The following ZBTB40 variants were observed in gnomAD, a reference collection of about 807,000 sequenced individuals.
ZBTB40 encodes zinc finger and BTB domain-containing protein 40.
Under a neutral mutation model 117.5 loss-of-function variants are expected in ZBTB40, and 60 were observed. The ratio of observed to expected loss-of-function variants is 0.51; its 90% confidence interval spans 0.41 to 0.63. ZBTB40 has a LOEUF of 0.63. ZBTB40 is among the 30% of genes least tolerant of loss of function. ZBTB40 has a pLI of 0.00. For synonymous variants in ZBTB40, 525 were observed against 577.1 expected (o/e 0.91, Z 1.29); for missense variants, 1,287 against 1,498.5 (o/e 0.86, Z 2.33).
At chr1:22,449,274 A>T (rs1569752022), upstream of ZBTB40, among the ~76,000 whole-genome samples, 2 of 152,276 alleles carry the variant, frequency 1.3e-5, no homozygotes, top group South Asian at 4.2e-4. Flanking sequence ...GTAGAAAAAA[A>T]GTTGAAAAGT....
At chr1:22,516,641 G>C (rs1050528265) in intron 12 of ZBTB40, among the ~76,000 whole-genome samples, 4 of 152,128 alleles carry the variant, frequency 2.6e-5, no homozygotes, top group African/African-American at 9.7e-5. Flanking sequence ...TGGGATCCGG[G>C]GTTCTGGTGC....
chr1:22,508,611 C>T lies in ZBTB40; in HGVS notation c.1579C>T (p.Leu527Phe). 4 of 1,614,228 alleles carry T rather than the reference C, an allele frequency of 2.5e-6. No homozygotes were observed. Among genetic ancestry groups the T allele is most frequent in the Middle Eastern group, 1.6e-4 (1 of 6,062 alleles). Residue 527 changes from leucine (L) to phenylalanine (F), a missense_variant, in exon 8 of 18, where the codon CTC becomes TTC. By Grantham distance (22) the Leu-to-Phe change is conservative. This residue lies in a region of ZBTB40 where 870 missense variants were observed against 934.4 expected (regional missense o/e 0.93). Transcript: ENST00000375647. ...ATCAGCAGTTCTAGAAAAGCAGACT[C>T]TCTCTGCCACAGCCATTTGGCAACT... is the stretch of plus-strand genomic sequence containing the variant. ...LISAVLEKQT[L>F]SATAIWQLLL...
chr1:22,501,820 G>C, intron 4 of ZBTB40, 136 bp downstream of exon 4: 1 of 1,003,150 alleles, frequency 1.0e-6, no homozygotes, highest in Non-Finnish European at 1.5e-6. Context: ...GTAAATTCCA[G>C]AAGCTGCATG....
chr1:22,470,028 G>A (rs1371800336), intron 1 of ZBTB40, among the ~76,000 whole-genome samples: 1 of 152,210 alleles, frequency 6.6e-6, no homozygotes. Flanking sequence ...TCAGCAGCAT[G>A]TGAGATGCAT....
At chr1:22,448,639 T>G (rs145824344), upstream of ZBTB40, among the ~76,000 whole-genome samples, 132 of 152,266 alleles carry the variant, frequency 8.7e-4, 1 homozygote, top group African/African-American at 3.0e-3. Flanking sequence ...CTAAGTCTGT[T>G]TCCTCCTGTA....
chr1:22,521,632 A>C lies in ZBTB40; in HGVS notation c.3185A>C (p.Lys1062Thr). Residue 1062 changes from lysine to threonine, a missense_variant, in exon 15 of 18, where the codon AAG becomes ACG. Coordinates refer to ENST00000375647, the MANE Select transcript of ZBTB40 (RefSeq NM_014870.4). ...ACCTTCCCCAACACCATTGAGCACAAGAAGCACATCAAAGCAGAACATGCA... is the reference window on the plus strand; with the variant it reads ...ACCTTCCCCAACACCATTGAGCACACGAAGCACATCAAAGCAGAACATGCA... ...DKTFPNTIEH[K>T]KHIKAEHADM... 6.2e-7 allele frequency: 1 copy of C among 1,614,238 alleles called. No individual in the cohort carries two copies. Among genetic ancestry groups the C allele is most frequent in the Non-Finnish European group, 8.5e-7 (1 of 1,180,036 alleles).
chr1:22,486,812 T>G (rs1638484896), intron 1 of ZBTB40, among the ~76,000 whole-genome samples: 1 of 152,174 alleles, frequency 6.6e-6, no homozygotes, highest in Non-Finnish European at 1.5e-5. Context: ...CTGGGCTCAC[T>G]GCAGCCTCTG....
intron 1 of ZBTB40, among the ~76,000 whole-genome samples, chr1:22,435,507 T>C (rs1640658761): frequency 6.6e-6 from 1 of 152,162 alleles, no homozygotes. Context: ...TTTGATTCTT[T>C]AGGGCTTTCT....
At chr1:22,498,968 A>C (rs1190929640) in intron 3 of ZBTB40, among the ~76,000 whole-genome samples, 3 of 152,214 alleles carry the variant, frequency 2.0e-5, no homozygotes, top group Admixed American at 1.3e-4. Context: ...ATTGCTCTAA[A>C]ATCTAGCAAC....
intron 1 of ZBTB40, among the ~76,000 whole-genome samples, chr1:22,489,607 T>C (rs1638566145): frequency 6.6e-6 from 1 of 152,146 alleles, no homozygotes. Flanking sequence ...ATCTGTAAAA[T>C]GGGGAGGAAA....
At chr1:22,452,866 A>G (rs1248631264) in intron 1 of ZBTB40, 1 of 152,350 alleles carries the variant, frequency 6.6e-6, no homozygotes, top group Non-Finnish European at 1.5e-5. Context: ...CGTTGGTACC[A>G]TGCAGCCAGT....
intron 1 of ZBTB40, among the ~76,000 whole-genome samples, chr1:22,457,753 CG>C (rs1330556472): frequency 1.3e-5 from 2 of 152,142 alleles, no homozygotes; most frequent in Non-Finnish European, 2.9e-5. Context: ...CAAAGGTGAA[CG>C]GTAGGTGATT....
chr1:22,465,442 A>G (rs1315634827), intron 1 of ZBTB40, among the ~76,000 whole-genome samples: 1 of 152,074 alleles, frequency 6.6e-6, no homozygotes, highest in Non-Finnish European at 1.5e-5. Context: ...ATGGGTGGCC[A>G]TGGGCGGGCC....
intron 12 of ZBTB40, among the ~76,000 whole-genome samples, chr1:22,514,733 G>A (rs1195588635): frequency 6.6e-6 from 1 of 152,104 alleles, no homozygotes; most frequent in Non-Finnish European, 1.5e-5. Context: ...ATCTACTTTA[G>A]TAATTTATTT....
chr1:22,511,813 A>G lies in ZBTB40; in HGVS notation c.2140A>G (p.Thr714Ala). ...TGGGGAACAGAATGATCAAGGAGAG[A>G]CTGGTTCCTTGCCAGGACAGCAAGA... ...QPGEQNDQGE[T>A]GSLPGQQEKE... The change falls in exon 11 of 18, where the codon ACT becomes GCT. Residue 714 changes from threonine to alanine, a missense_variant. Thr to Ala is a moderately conservative substitution (Grantham distance 58, BLOSUM62 0). Coordinates refer to ENST00000375647, the MANE Select transcript of ZBTB40 (RefSeq NM_014870.4). 1 of 1,614,122 alleles carries G rather than the reference A, an allele frequency of 6.2e-7. No homozygotes were observed. The highest frequency in any genetic ancestry group is 1.1e-5 in the South Asian group (1 of 91,078).
chr1:22,442,520 G>A (rs56192461), intron 1 of ZBTB40, among the ~76,000 whole-genome samples: 4,314 of 152,094 alleles, frequency 0.028, 202 homozygotes, highest in African/African-American at 0.098. Flanking sequence ...GTTGTTTGTC[G>A]GTTAACTTTA....
chr1:22,513,139 G>T lies in ZBTB40; in HGVS notation c.2668+9G>T. 2 of 1,612,758 alleles carry T rather than the reference G, an allele frequency of 1.2e-6. No homozygotes were observed. The highest frequency in any genetic ancestry group is 1.7e-6 in the Non-Finnish European group (2 of 1,179,486). ...GAAGAAGCACTCAGAAGGTAAGGCG[G>T]GGCACAGTTCATTTCTCCTGCAGAC... On this transcript the variant is annotated intron_variant, in intron 12 of 17. Transcript: ENST00000375647. The surrounding 1 kb of genome is among the most constrained non-coding windows in gnomAD (Gnocchi z 4.9).
chr1:22,494,623 A>G (rs1638724834), intron 3 of ZBTB40, among the ~76,000 whole-genome samples: 1 of 152,218 alleles, frequency 6.6e-6, no homozygotes, highest in African/African-American at 2.4e-5. Context: ...GTGTGATGGC[A>G]GATGTCATAA....
intron 12 of ZBTB40, among the ~76,000 whole-genome samples, chr1:22,514,815 G>A (rs1226302976): frequency 1.3e-5 from 2 of 152,152 alleles, no homozygotes; most frequent in Admixed American, 6.5e-5. Context: ...TCCCACTGCT[G>A]TATCCATGGG....
Sources: allele counts gnomAD v4.1 joint callset (sites outside exome capture counted in the v4.1 genomes callset), GRCh38; gene constraint gnomAD v4.1.1; regional missense constraint gnomAD v4.1.1; non-coding constraint Gnocchi (gnomAD v3.1); transcripts MANE v1.5; gene names NCBI Gene and HGNC (gene_info 2026-07-23, HGNC 2026-07-21).